RAD51AP1: variants seen among roughly 807,000 people sequenced by gnomAD.
The protein encoded by RAD51AP1 is RAD51-associated protein 1.
In RAD51AP1, 14 loss-of-function variants were observed where a neutral mutation model predicts 34.3. The ratio of observed to expected loss-of-function variants is 0.41; its 90% CI spans 0.27 to 0.64. The LOEUF is 0.64. Ranked by LOEUF, RAD51AP1 falls within the 30% of genes least tolerant of loss-of-function variation. RAD51AP1 has a pLI of 0.33. For synonymous variants in RAD51AP1, 114 were observed against 129.8 expected, an observed-to-expected ratio of 0.88 and a Z score of 0.83; for missense variants, 348 against 386.9, an observed-to-expected ratio of 0.90 and a Z score of 0.84.
chr12:4,555,139 C>T (rs1375469278), intron 7 of RAD51AP1, among the ~76,000 whole-genome samples: 1 of 152,086 alleles, frequency 6.6e-6, no homozygotes, highest in African/African-American at 2.4e-5. Context: ...AAAACAAGCA[C>T]TGTCTGAAAG....
chr12:4,544,695 G>A (rs1225900669), intron 3 of RAD51AP1, among the ~76,000 whole-genome samples: 1 of 151,922 alleles, frequency 6.6e-6, no homozygotes, highest in East Asian at 1.9e-4. Context: ...AACTGATAAG[G>A]GACTGTATCC....
chr12:4,546,292 T>C lies in RAD51AP1; in HGVS notation c.210-17T>C, dbSNP rs1184607525. On this transcript the variant is annotated splice_polypyrimidine_tract_variant and intron_variant, in intron 3 of 8. Transcript: ENST00000352618. ...GATATTTTGAAGAACTCATTATTAC[T>C]TGTGTATCTATTTTAGGATGGCTTT... is the stretch of plus-strand genomic sequence containing the variant. 2.0e-6 allele frequency: 3 copies of C among 1,516,306 alleles called. No individual in the cohort carries two copies. In the South Asian group the frequency reaches 3.5e-5, roughly 18 times the overall value. 93.9% of individuals were successfully genotyped at this position (1,516,306 alleles called of 1,614,324 possible). A position where few individuals can be genotyped will look rare whatever the true frequency, so the allele number is the denominator to read the frequency against.
At chr12:4,548,569 A>G in intron 5 of RAD51AP1, 118 bp from the exon 6 acceptor site, 1 of 1,207,176 alleles carries the variant, frequency 8.3e-7, no homozygotes. Flanking sequence ...TACTGGAAGC[A>G]TGGGAGGGAT....
Position 4,543,863 on chromosome 12 carries a change from G to C in RAD51AP1, c.168G>C (p.Arg56=), listed in dbSNP as rs577937862. Residue 56 remains arginine (R), a synonymous_variant, in exon 3 of 9, where the codon CGG becomes CGC. Transcript: ENST00000352618. ...DKPKPNLNNL[R]KEEIPVQEKT... is the part of the protein sequence containing the mutation. ...CAAAACCTAACTTGAACAATCTCCG[G>C]AAAGAAGAAATCCCAGTACAAGAGA... 6.2e-7 allele frequency: 1 copy of C among 1,612,822 alleles called. No homozygotes were observed. The highest frequency in any genetic ancestry group is 1.1e-5 in the South Asian group (1 of 90,972).
intron 4 of RAD51AP1, among the ~76,000 whole-genome samples, chr12:4,547,448 A>C (rs1944514599): frequency 1.3e-5 from 2 of 152,230 alleles, no homozygotes; most frequent in South Asian, 4.1e-4. Context: ...GAGAATTATC[A>C]TGAATTACAT....
chr12:4,544,972 A>T (rs1478400923), intron 3 of RAD51AP1, among the ~76,000 whole-genome samples: 2 of 152,216 alleles, frequency 1.3e-5, no homozygotes, highest in African/African-American at 4.8e-5. Context: ...TGGGAAAGTA[A>T]AATGGTGCAG....
chr12:4,549,834 T>C (rs1944533641), intron 6 of RAD51AP1, among the ~76,000 whole-genome samples: 1 of 152,212 alleles, frequency 6.6e-6, no homozygotes. Flanking sequence ...GCCTATACTA[T>C]ATGATCTAGC....
chr12:4,548,286 ACT>A, intron 5 of RAD51AP1, 108 bp downstream of exon 5: 4 of 1,420,150 alleles, frequency 2.8e-6, no homozygotes, highest in South Asian at 1.3e-5. Flanking sequence ...ATTTGTCAAG[ACT>A]CTCTTGATGT....
intron 6 of RAD51AP1, 55 bp downstream of exon 6, chr12:4,548,891 C>A: frequency 2.5e-6 from 4 of 1,576,214 alleles, no homozygotes; most frequent in African/African-American, 1.4e-5. Context: ...CAAAAAAGTT[C>A]TTGGAAGCTA....
intron 1 of RAD51AP1, among the ~76,000 whole-genome samples, chr12:4,540,369 C>T (rs1481300063): frequency 6.6e-6 from 1 of 152,132 alleles, no homozygotes. Flanking sequence ...GGAAACTTCT[C>T]TAGAGGTCTA....
chr12:4,545,486 G>A (rs1291505425), intron 3 of RAD51AP1, among the ~76,000 whole-genome samples: 1 of 152,088 alleles, frequency 6.6e-6, no homozygotes, highest in African/African-American at 2.4e-5. Flanking sequence ...AGGTAGTGTT[G>A]GTGGTTTTAC....
At chr12:4,544,531 T>A (rs1195257151) in intron 3 of RAD51AP1, among the ~76,000 whole-genome samples, 1 of 152,226 alleles carries the variant, frequency 6.6e-6, no homozygotes, top group Non-Finnish European at 1.5e-5. Context: ...CAAGTTTCTC[T>A]ATGAAAAGTG....
chr12:4,551,958 TATA>T lies in RAD51AP1; in HGVS notation c.557-1021_557-1019del, dbSNP rs531641804. ...AAATTTTATATGATTGTATTTTACA[TATA>T]ATATTTCTTATAGATAGGTAGATAT... is the stretch of plus-strand genomic sequence containing the variant. On this transcript the variant is annotated intron_variant, in intron 6 of 8. Transcript: ENST00000352618. Among the ~76,000 whole-genome samples, 288 of 152,324 alleles carry T rather than the reference TATA, an allele frequency of 1.9e-3. 1 individual carries two copies. Among genetic ancestry groups the T allele is most frequent in the African/African-American group, 6.6e-3 (276 of 41,570 alleles).
intron 1 of RAD51AP1, among the ~76,000 whole-genome samples, chr12:4,540,036 A>G (rs1054387810): frequency 6.6e-6 from 1 of 152,152 alleles, no homozygotes; most frequent in African/African-American, 2.4e-5. Context: ...ATTAGTGGGC[A>G]TGGAATGGAA....
chr12:4,556,490 TG>T lies in RAD51AP1; in HGVS notation c.862del (p.Val288SerfsTer18), dbSNP rs1343892201. The T allele has an allele frequency of 6.2e-7, 1 of 1,613,712 alleles. No individual in the cohort carries two copies. The highest frequency in any genetic ancestry group is 1.7e-5 in the Admixed American group (1 of 60,008). On this transcript the variant is annotated frameshift_variant, in exon 8 of 9. Coordinates refer to ENST00000352618, the MANE Select transcript of RAD51AP1 (RefSeq NM_006479.5). LOFTEE classifies it high-confidence loss of function. ...TTCAGCTGAAAGCAAGAAACCTAAATGGGTCCCACCAGGTATGGCATATTTA... is the reference window on the plus strand; with the variant it reads ...TTCAGCTGAAAGCAAGAAACCTAAATGGTCCCACCAGGTATGGCATATTTA... ...SPSAESKKPK[W>X]VPPAASGGSR...
intron 3 of RAD51AP1, among the ~76,000 whole-genome samples, chr12:4,546,065 G>A (rs1944503766): frequency 6.6e-6 from 1 of 152,094 alleles, no homozygotes; most frequent in African/African-American, 2.4e-5. Flanking sequence ...CAATGAAAGG[G>A]AACAGTCATT....
At chr12:4,547,303 ATCC>A (rs1565525082) in intron 4 of RAD51AP1, among the ~76,000 whole-genome samples, 1 of 152,080 alleles carries the variant, frequency 6.6e-6, no homozygotes, top group Non-Finnish European at 1.5e-5. Flanking sequence ...GCCTCAAGCA[ATCC>A]TCCTGCCTCA....
chr12:4,550,420 T>G (rs904621649), intron 6 of RAD51AP1: 3 of 152,266 alleles, frequency 2.0e-5, no homozygotes, highest in Admixed American at 2.0e-4. Flanking sequence ...CTCTACCCCT[T>G]GCCTTCTTTG....
intron 6 of RAD51AP1, among the ~76,000 whole-genome samples, chr12:4,549,063 T>C (rs1049830264): frequency 7.2e-5 from 11 of 152,182 alleles, no homozygotes; most frequent in African/African-American, 2.7e-4. Flanking sequence ...AAACTAAAGG[T>C]GTAAAGTAGC....
Sources: allele counts gnomAD v4.1 joint callset (sites outside exome capture counted in the v4.1 genomes callset), GRCh38; gene constraint gnomAD v4.1.1; transcripts MANE v1.5; gene names NCBI Gene and HGNC (gene_info 2026-07-23, HGNC 2026-07-21).